DACH1: variants seen among roughly 807,000 people sequenced by gnomAD.
DACH1 encodes dachshund family transcription factor 1.
Under a neutral mutation model 54.2 loss-of-function variants are expected in DACH1, and 12 were observed. The ratio of observed to expected loss-of-function variants is 0.22; its 90% CI spans 0.14 to 0.36. The LOEUF is 0.36. Ranked by LOEUF, DACH1 falls within the 10% of genes least tolerant of loss-of-function variation. The pLI, the probability that DACH1 is intolerant of heterozygous loss-of-function variation, is 1.00. For synonymous variants in DACH1, 386 were observed against 366.2 expected, an observed-to-expected ratio of 1.05 and a Z score of -0.62; for missense variants, 805 against 929.8, an observed-to-expected ratio of 0.87 and a Z score of 1.75.
chr13:71,576,494 A>T (rs752477111), intron 3 of DACH1, among the ~76,000 whole-genome samples: 3 of 152,108 alleles, frequency 2.0e-5, no homozygotes, highest in African/African-American at 7.2e-5. Context: ...TCCTTGGCTC[A>T]CCCTCACTTG....
At chr13:71,608,840 C>A (rs1875088542) in intron 3 of DACH1, among the ~76,000 whole-genome samples, 2 of 151,946 alleles carry the variant, frequency 1.3e-5, no homozygotes, top group Non-Finnish European at 2.9e-5. Context: ...ATGCACTGGC[C>A]ATAACGAATT....
intron 1 of DACH1, among the ~76,000 whole-genome samples, chr13:71,858,422 A>G (rs1360396973): frequency 6.6e-6 from 1 of 151,734 alleles, no homozygotes; most frequent in Non-Finnish European, 1.5e-5. Flanking sequence ...ACATCAACCA[A>G]TGTACTATGT....
At chr13:71,487,895 T>A (rs1878669050) in intron 7 of DACH1, among the ~76,000 whole-genome samples, 2 of 152,162 alleles carry the variant, frequency 1.3e-5, no homozygotes, top group Admixed American at 1.3e-4. Context: ...GAAAGAAAAG[T>A]CTTTTGTTTT....
intron 1 of DACH1, among the ~76,000 whole-genome samples, chr13:71,860,551 A>G (rs1169629622): frequency 6.6e-6 from 1 of 151,804 alleles, no homozygotes; most frequent in Non-Finnish European, 1.5e-5. Context: ...AGTAACAAAA[A>G]CCTTAAAATA....
chr13:71,763,239 A>G (rs1051803819), intron 1 of DACH1, among the ~76,000 whole-genome samples: 4 of 152,236 alleles, frequency 2.6e-5, no homozygotes, highest in Non-Finnish European at 2.9e-5. Context: ...GCATGGAGCC[A>G]TGAAGTAATA....
At chr13:71,776,082 C>A (rs1321106074) in intron 1 of DACH1, among the ~76,000 whole-genome samples, 1 of 152,110 alleles carries the variant, frequency 6.6e-6, no homozygotes, top group Non-Finnish European at 1.5e-5. Context: ...CAAAACAAAG[C>A]CAGTCACTCC....
At chr13:71,595,026 G>GA (rs1873995052) in intron 3 of DACH1, among the ~76,000 whole-genome samples, 1 of 152,096 alleles carries the variant, frequency 6.6e-6, no homozygotes, top group South Asian at 2.1e-4. Context: ...ACATATTGAG[G>GA]AGACAGGTTG....
intron 6 of DACH1, among the ~76,000 whole-genome samples, chr13:71,496,016 T>A (rs982003952): frequency 6.6e-6 from 1 of 151,834 alleles, no homozygotes; most frequent in East Asian, 1.9e-4. Flanking sequence ...GTGGATCACT[T>A]GAGGCCAGGA....
intron 1 of DACH1, among the ~76,000 whole-genome samples, chr13:71,748,960 CTT>C (rs1361831080): frequency 0.019 from 552 of 28,522 alleles, 29 homozygotes; most frequent in African/African-American, 0.032. Flanking sequence ...TTCTCTCTTT[CTT>C]TCTCTCTCTC....
At chr13:71,696,179 C>T (rs985969931) in intron 1 of DACH1, among the ~76,000 whole-genome samples, 15 of 152,132 alleles carry the variant, frequency 9.9e-5, no homozygotes, top group African/African-American at 3.6e-4. Flanking sequence ...CTATGTGACA[C>T]ACCTGCACAT....
intron 1 of DACH1, among the ~76,000 whole-genome samples, chr13:71,733,495 G>A (rs1168661317): frequency 1.3e-5 from 2 of 152,210 alleles, no homozygotes; most frequent in East Asian, 3.9e-4. Flanking sequence ...ACTGCTATTT[G>A]ATATATTTAT....
chr13:71,528,429 T>TC (rs1315860867), intron 6 of DACH1, among the ~76,000 whole-genome samples: 43 of 143,424 alleles, frequency 3.0e-4, no homozygotes, highest in East Asian at 2.4e-3. Flanking sequence ...GATTTTCTTT[T>TC]TTTTTTTTTT....
intron 6 of DACH1, among the ~76,000 whole-genome samples, chr13:71,519,098 C>T (rs750956063): frequency 5.3e-5 from 8 of 151,750 alleles, no homozygotes; most frequent in Non-Finnish European, 1.2e-4. Flanking sequence ...AAAATATTTA[C>T]TATCTCTCCC....
chr13:71,570,236 T>C (rs1387865999), intron 4 of DACH1, among the ~76,000 whole-genome samples: 4 of 152,158 alleles, frequency 2.6e-5, no homozygotes, highest in African/African-American at 4.8e-5. Context: ...ACTTGATTTT[T>C]ATCAGGTTAT....
chr13:71,509,528 G>A (rs117025742), intron 6 of DACH1, among the ~76,000 whole-genome samples: 9 of 152,136 alleles, frequency 5.9e-5, no homozygotes, highest in Non-Finnish European at 1.3e-4. Context: ...CAAAGAGGTG[G>A]TAAAAATATA....
At chr13:71,860,456 CT>C (rs35326383) in intron 1 of DACH1, among the ~76,000 whole-genome samples, 10,896 of 135,938 alleles carry the variant, frequency 0.08, 448 homozygotes, top group Admixed American at 0.13. Flanking sequence ...CTTAATGTGA[CT>C]TTTTTTTTTT....
intron 6 of DACH1, among the ~76,000 whole-genome samples, chr13:71,511,805 C>T (rs1880795468): frequency 6.6e-6 from 1 of 151,908 alleles, no homozygotes; most frequent in Admixed American, 6.6e-5. Context: ...TTTCCAACTG[C>T]CAGCAACTAT....
At chr13:71,690,904 C>A (rs1269107640) in intron 1 of DACH1, among the ~76,000 whole-genome samples, 2 of 152,158 alleles carry the variant, frequency 1.3e-5, no homozygotes, top group African/African-American at 4.8e-5. Flanking sequence ...TGCACTCGAG[C>A]CTGGATGACT....
Position 71,627,782 on chromosome 13 carries a change from C to T in DACH1, c.1126+2774G>A, listed in dbSNP as rs546600030. 1.4e-4 allele frequency among the ~76,000 whole-genome samples: 22 copies of T among 152,118 alleles called. No individual in the cohort carries two copies. The South Asian group carries it at 4.1e-3, about 29-fold the overall frequency. ...GCTAATATTGAATGTCCTACAAAAT[C>T]TCTAAGATGCAACAGCTGCCCTGAA... On this transcript the variant is annotated intron_variant, in intron 3 of 10. Transcript: ENST00000613252.
Sources: allele counts gnomAD v4.1 joint callset (sites outside exome capture counted in the v4.1 genomes callset), GRCh38; gene constraint gnomAD v4.1.1; transcripts MANE v1.5; gene names NCBI Gene and HGNC (gene_info 2026-07-23, HGNC 2026-07-21).